Variants in TMEM45A observed in about 807,000 individuals in gnomAD.
TMEM45A encodes transmembrane protein 45A.
Under a neutral mutation model 32.0 loss-of-function variants are expected in TMEM45A, and 25 were observed. The observed-to-expected ratio is 0.78, with a 90% CI of 0.57 to 1.09. The LOEUF is 1.09. TMEM45A is among the 50% of genes least tolerant of loss of function. The pLI, the probability that TMEM45A is intolerant of heterozygous loss-of-function variation, is 0.00. For missense variants in TMEM45A, 302 were observed against 325.0 expected (o/e 0.93, Z 0.54); for synonymous variants, 122 against 114.8 (o/e 1.06, Z -0.40).
At chr3:100,494,125 T>A (rs1008364183) in intron 1 of TMEM45A, among the ~76,000 whole-genome samples, 1 of 152,176 alleles carries the variant, frequency 6.6e-6, no homozygotes, top group Non-Finnish European at 1.5e-5. Context: ...CATTACAGGA[T>A]TTAGAAACAG....
intron 1 of TMEM45A, among the ~76,000 whole-genome samples, chr3:100,524,723 C>T (rs1194243367): frequency 1.3e-5 from 2 of 152,184 alleles, no homozygotes; most frequent in Non-Finnish European, 2.9e-5. Flanking sequence ...TCTGTGGAGG[C>T]TTTTCCTATA....
At chr3:100,527,159 A>G (rs1050314876) in intron 1 of TMEM45A, among the ~76,000 whole-genome samples, 2 of 152,186 alleles carry the variant, frequency 1.3e-5, no homozygotes, top group Non-Finnish European at 2.9e-5. Flanking sequence ...AGAGAGGACT[A>G]TGACACCTGG....
rs550412321 is a variant in TMEM45A, at chr3:100,511,338, A to G, written c.-4+18410A>G. 3.9e-5 allele frequency among the ~76,000 whole-genome samples: 6 copies of G among 152,320 alleles called. No individual in the cohort carries two copies. The South Asian group carries it at 1.2e-3, about 32-fold the overall frequency. On this transcript the variant is annotated intron_variant, in intron 1 of 5. Coordinates refer to ENST00000323523, the MANE Select transcript of TMEM45A (RefSeq NM_018004.3). Reference sequence around the variant, plus strand: ...AATATTCAACATTCTTAAAGACAAGAATTTTCAACCCAGAATTTCATATCC... The same window carrying G: ...AATATTCAACATTCTTAAAGACAAGGATTTTCAACCCAGAATTTCATATCC...
chr3:100,509,166 ACAGG>A (rs1257851579), intron 1 of TMEM45A, among the ~76,000 whole-genome samples: 4 of 152,254 alleles, frequency 2.6e-5, no homozygotes, highest in Non-Finnish European at 5.9e-5. Context: ...CGAATGACTA[ACAGG>A]CATATGAAAA....
chr3:100,509,483 C>A (rs1708124009), intron 1 of TMEM45A, among the ~76,000 whole-genome samples: 1 of 152,180 alleles, frequency 6.6e-6, no homozygotes, highest in Admixed American at 6.5e-5. Context: ...TACCTGTACT[C>A]CCATGTTTAT....
intron 1 of TMEM45A, among the ~76,000 whole-genome samples, chr3:100,496,033 A>G (rs1233702993): frequency 6.6e-6 from 1 of 152,172 alleles, no homozygotes; most frequent in Admixed American, 6.5e-5. Context: ...GTCACTTTGG[A>G]GTTCCCTTGC....
intron 1 of TMEM45A, among the ~76,000 whole-genome samples, chr3:100,514,333 C>G (rs1167774770): frequency 6.6e-6 from 1 of 152,128 alleles, no homozygotes; most frequent in Admixed American, 6.6e-5. Context: ...ATATCTACAA[C>G]TATCTGATCT....
intron 1 of TMEM45A, among the ~76,000 whole-genome samples, chr3:100,497,906 A>G (rs949163149): frequency 1.3e-5 from 2 of 152,170 alleles, no homozygotes; most frequent in Non-Finnish European, 2.9e-5. Flanking sequence ...ATTATCCTAA[A>G]TGTTTCTTTG....
chr3:100,495,694 C>T (rs1405286103), intron 1 of TMEM45A, among the ~76,000 whole-genome samples: 2 of 152,144 alleles, frequency 1.3e-5, no homozygotes, highest in African/African-American at 4.8e-5. Context: ...TAACCTCCAT[C>T]CAGGTCCTGC....
At chr3:100,555,602 G>A (rs1376846361) in intron 2 of TMEM45A, among the ~76,000 whole-genome samples, 2 of 152,154 alleles carry the variant, frequency 1.3e-5, no homozygotes, top group African/African-American at 2.4e-5. Flanking sequence ...ATTTCTGATA[G>A]GCTGTAGAAG....
At chr3:100,520,309 T>C (rs964736551) in intron 1 of TMEM45A, among the ~76,000 whole-genome samples, 1 of 152,206 alleles carries the variant, frequency 6.6e-6, no homozygotes, top group Non-Finnish European at 1.5e-5. Flanking sequence ...TTCTTGTTAT[T>C]ACCAACCAGC....
chr3:100,503,035 C>T (rs1189573757), intron 1 of TMEM45A, among the ~76,000 whole-genome samples: 1 of 151,654 alleles, frequency 6.6e-6, no homozygotes, highest in East Asian at 1.9e-4. Context: ...CCTCCTCCTC[C>T]TTCTTCTTCT....
At chr3:100,556,017 G>A (rs1195677365) in intron 2 of TMEM45A, among the ~76,000 whole-genome samples, 2 of 151,864 alleles carry the variant, frequency 1.3e-5, no homozygotes, top group Non-Finnish European at 2.9e-5. Flanking sequence ...TGGAGTCTCG[G>A]TCTATTGGCC....
chr3:100,506,013 G>C (rs2148930889), intron 1 of TMEM45A, among the ~76,000 whole-genome samples: 1 of 152,300 alleles, frequency 6.6e-6, no homozygotes, highest in African/African-American at 2.4e-5. Flanking sequence ...TAACTGCAGA[G>C]GGGGCCCTCA....
chr3:100,529,759 T>C (rs780505117), intron 1 of TMEM45A, among the ~76,000 whole-genome samples: 3 of 152,156 alleles, frequency 2.0e-5, no homozygotes, highest in Non-Finnish European at 4.4e-5. Context: ...TAGTTGGGAC[T>C]ACAGGCACGT....
intron 1 of TMEM45A, among the ~76,000 whole-genome samples, chr3:100,552,356 C>T (rs765998080): frequency 1.3e-5 from 2 of 152,114 alleles, no homozygotes; most frequent in Non-Finnish European, 2.9e-5. Context: ...GCAAAGAAGT[C>T]ACTAATGTGA....
Position 100,568,840 on chromosome 3 carries a change from C to T in TMEM45A, c.607C>T (p.Pro203Ser), listed in dbSNP as rs778721388. Residue 203 changes from proline to serine, a missense_variant, in exon 5 of 6, where the codon CCC becomes TCC. Coordinates refer to ENST00000323523, the MANE Select transcript of TMEM45A (RefSeq NM_018004.3). ...WFFQIGFVLY[P>S]PSGGPAWDLM... ...ATTACAGATTGGATTTGTCCTGTAT[C>T]CCCCCAGTGGAGGTCCTGCATGGGA... The T allele has an allele frequency of 2.2e-5, 35 of 1,609,824 alleles. No homozygotes were observed. The highest frequency in any genetic ancestry group is 3.0e-5 in the Non-Finnish European group (35 of 1,177,254).
intron 1 of TMEM45A, among the ~76,000 whole-genome samples, chr3:100,496,864 G>C (rs914678385): frequency 6.6e-6 from 1 of 152,204 alleles, no homozygotes; most frequent in Non-Finnish European, 1.5e-5. Flanking sequence ...ACTATGAAAT[G>C]TCCCAAGACT....
At position 100,492,931 on chromosome 3, in the gene TMEM45A, A is replaced by G. The variant is rs1414882531; in HGVS notation, c.-4+3A>G. 1 of 152,124 alleles carries G rather than the reference A, an allele frequency of 6.6e-6. No individual in the cohort carries two copies. Among genetic ancestry groups the G allele is most frequent in the Non-Finnish European group, 1.5e-5 (1 of 68,020 alleles). 9.4% of individuals were successfully genotyped at this position (152,124 alleles called of 1,614,324 possible). On this transcript the variant is annotated splice_donor_region_variant and intron_variant, in intron 1 of 5. Coordinates refer to ENST00000323523, the MANE Select transcript of TMEM45A (RefSeq NM_018004.3). ...GTTGAGTAAACAGACCAAGTTGGGTAAGTTTTGGATACGTGCTGGATATCA... is the reference window on the plus strand; with the variant it reads ...GTTGAGTAAACAGACCAAGTTGGGTGAGTTTTGGATACGTGCTGGATATCA...
Sources: allele counts gnomAD v4.1 joint callset (sites outside exome capture counted in the v4.1 genomes callset), GRCh38; gene constraint gnomAD v4.1.1; transcripts MANE v1.5; gene names NCBI Gene and HGNC (gene_info 2026-07-23, HGNC 2026-07-21).